The following PARD3B variants were observed in gnomAD, a reference collection of about 807,000 sequenced individuals.
The protein encoded by PARD3B is partitioning defective 3 homolog B.
PARD3B carries 103 observed loss-of-function variants against 130.2 expected under a neutral mutation model. That is an observed-to-expected ratio of 0.79 (90% confidence interval 0.67 to 0.93). PARD3B has a LOEUF of 0.93. Ranked by LOEUF, PARD3B falls within the 40% of genes least tolerant of loss-of-function variation. PARD3B has a pLI of 0.00. For missense variants in PARD3B, 1,609 were observed against 1,499.2 expected, an observed-to-expected ratio of 1.07 and a Z score of -1.21; for synonymous variants, 583 against 553.2, an observed-to-expected ratio of 1.05 and a Z score of -0.76.
At chr2:204,779,194 C>T (rs550842762) in intron 2 of PARD3B, among the ~76,000 whole-genome samples, 2 of 152,230 alleles carry the variant, frequency 1.3e-5, no homozygotes, top group East Asian at 3.9e-4. Context: ...TCCCCTGGAC[C>T]AGTCTTGCCC....
chr2:204,961,061 C>G (rs375184994), intron 2 of PARD3B, among the ~76,000 whole-genome samples: 79 of 152,022 alleles, frequency 5.2e-4, no homozygotes, highest in African/African-American at 1.9e-3. Context: ...GAACAAGGGG[C>G]GGGATCAGCA....
At chr2:204,926,377 A>G (rs764772959) in intron 2 of PARD3B, among the ~76,000 whole-genome samples, 3 of 152,158 alleles carry the variant, frequency 2.0e-5, no homozygotes, top group Non-Finnish European at 4.4e-5. Context: ...AATTCTCATT[A>G]TATTTTCAAG....
At chr2:204,748,863 C>CTA (rs1268105327) in intron 2 of PARD3B, among the ~76,000 whole-genome samples, 2 of 151,914 alleles carry the variant, frequency 1.3e-5, no homozygotes, top group Admixed American at 1.3e-4. Flanking sequence ...GTCTTTTTTC[C>CTA]TATATACCCA....
At position 205,568,534 on chromosome 2, in the gene PARD3B, T is replaced by C. The variant is rs923253560; in HGVS notation, c.3260+15131T>C. ...ACACTCCTGGGATTAGGAAAGCCTCTGGAAAAATTAAACTTGGTACTGAGT... is the reference window on the plus strand; with the variant it reads ...ACACTCCTGGGATTAGGAAAGCCTCCGGAAAAATTAAACTTGGTACTGAGT... On this transcript the variant is annotated intron_variant, in intron 22 of 22. Coordinates refer to ENST00000406610, the MANE Select transcript of PARD3B (RefSeq NM_001302769.2). The surrounding 1 kb of genome is among the most constrained non-coding windows in gnomAD (Gnocchi z 5.3). 1.3e-5 allele frequency among the ~76,000 whole-genome samples: 2 copies of C among 152,198 alleles called. No individual in the cohort carries two copies. Among genetic ancestry groups the C allele is most frequent in the Non-Finnish European group, 1.5e-5 (1 of 68,034 alleles).
chr2:205,427,488 A>G (rs1280452426), intron 19 of PARD3B, among the ~76,000 whole-genome samples: 1 of 152,238 alleles, frequency 6.6e-6, no homozygotes, highest in African/African-American at 2.4e-5. Flanking sequence ...CTTTGCTAAT[A>G]TGGAATGTTC....
Position 205,134,359 on chromosome 2 carries a change from CA to C in PARD3B, c.1434+8637del, listed in dbSNP as rs56722764. ...ACAACATGGTGAAACCCCATCTCTACAAAAAAAAAAAAAAATTAGCCAGGCA... is the reference window on the plus strand; with the variant it reads ...ACAACATGGTGAAACCCCATCTCTACAAAAAAAAAAAAAATTAGCCAGGCA... On this transcript the variant is annotated intron_variant, in intron 10 of 22. Transcript: ENST00000406610. 3.7e-3 allele frequency among the ~76,000 whole-genome samples: 502 copies of C among 137,084 alleles called. 2 individuals are homozygous for C. Among genetic ancestry groups the C allele is most frequent in the East Asian group, 0.027 (128 of 4,690 alleles). The allele number at this position is 137,084 out of a possible 152,430, so 89.9% of individuals were successfully genotyped here.
intron 15 of PARD3B, among the ~76,000 whole-genome samples, chr2:205,238,849 A>AAAAAATAT (rs1273582854): frequency 1.7e-4 from 13 of 76,904 alleles, no homozygotes; most frequent in South Asian, 5.1e-4. Flanking sequence ...AAAAAAAAAA[A>AAAAAATAT]ATATATATAT....
intron 2 of PARD3B, among the ~76,000 whole-genome samples, chr2:204,929,419 G>A (rs888125547): frequency 4.6e-5 from 7 of 152,064 alleles, no homozygotes; most frequent in East Asian, 3.9e-4. Flanking sequence ...TTTATAAAAC[G>A]TCTTAACATT....
intron 1 of PARD3B, among the ~76,000 whole-genome samples, chr2:204,590,947 T>C (rs950995033): frequency 1.3e-4 from 20 of 152,318 alleles, no homozygotes; most frequent in African/African-American, 4.8e-4. Flanking sequence ...TGAGACTTTT[T>C]CTGTATTGTA....
intron 3 of PARD3B, among the ~76,000 whole-genome samples, chr2:204,971,698 A>C (rs772960895): frequency 3.9e-5 from 6 of 152,080 alleles, no homozygotes; most frequent in Non-Finnish European, 7.3e-5. Flanking sequence ...GGGTGTCATC[A>C]ATCAGTCATA....
At chr2:205,462,367 T>C (rs1388764694) in intron 20 of PARD3B, among the ~76,000 whole-genome samples, 1 of 152,238 alleles carries the variant, frequency 6.6e-6, no homozygotes, top group Non-Finnish European at 1.5e-5. Flanking sequence ...TTTCTGTTTC[T>C]AATTACAGTC....
chr2:205,489,662 TG>T (rs1559141651), intron 20 of PARD3B, among the ~76,000 whole-genome samples: 1 of 151,792 alleles, frequency 6.6e-6, no homozygotes, highest in Non-Finnish European at 1.5e-5. Flanking sequence ...TTATGACTGA[TG>T]GCAAAACTGA....
intron 1 of PARD3B, among the ~76,000 whole-genome samples, chr2:204,574,344 T>G (rs1375095268): frequency 2.0e-5 from 3 of 152,242 alleles, no homozygotes; most frequent in Admixed American, 2.0e-4. Context: ...TCATACTTTA[T>G]TCATAATAAA....
chr2:204,834,942 C>G (rs1161282233), intron 2 of PARD3B, among the ~76,000 whole-genome samples: 3 of 152,196 alleles, frequency 2.0e-5, no homozygotes, highest in African/African-American at 7.2e-5. Context: ...AGGTTTAGAG[C>G]TAGAACACCT....
intron 18 of PARD3B, among the ~76,000 whole-genome samples, chr2:205,316,324 G>T (rs1301372833): frequency 2.0e-5 from 3 of 151,824 alleles, no homozygotes; most frequent in Non-Finnish European, 4.4e-5. Flanking sequence ...AGAGAAAATG[G>T]GCCAAAATCA....
rs115898698 is a variant in PARD3B at position 205,258,628 on chromosome 2, C to T, written c.2185+12806C>T. ...AGTTCCAAAAGCAGTGTGTGGCACA[C>T]GGCAGGCATCCTTTACGTAGTACTT... On this transcript the variant is annotated intron_variant, in intron 16 of 22. Coordinates refer to ENST00000406610, the MANE Select transcript of PARD3B (RefSeq NM_001302769.2). The surrounding 1 kb of genome is among the most constrained non-coding windows in gnomAD (Gnocchi z 4.9). Among the ~76,000 whole-genome samples, 1,041 of 152,288 alleles carry T rather than the reference C, an allele frequency of 6.8e-3. 11 individuals carry two copies. The highest frequency in any genetic ancestry group is 0.024 in the African/African-American group (978 of 41,560).
At chr2:205,208,453 C>T (rs1349936967) in intron 15 of PARD3B, among the ~76,000 whole-genome samples, 248 of 144,796 alleles carry the variant, frequency 1.7e-3, no homozygotes, top group Non-Finnish European at 2.2e-3. Context: ...ATGACATGAT[C>T]GTATATCTAG....
At chr2:204,950,621 G>C (rs1390669824) in intron 2 of PARD3B, among the ~76,000 whole-genome samples, 1 of 152,068 alleles carries the variant, frequency 6.6e-6, no homozygotes, top group African/African-American at 2.4e-5. Context: ...ATGTTATCCT[G>C]GAAATCAATG....
chr2:205,241,581 T>A lies in PARD3B; in HGVS notation c.2141-4197T>A, dbSNP rs565070641. On this transcript the variant is annotated intron_variant, in intron 15 of 22. Transcript: ENST00000406610. The surrounding 1 kb of genome is among the most constrained non-coding windows in gnomAD (Gnocchi z 4.2). ...GAAATAACCTTTAAATACAAATACTTTTTTAAAAAAGAAAGAAGAAAGAAA... is the reference window on the plus strand; with the variant it reads ...GAAATAACCTTTAAATACAAATACTATTTTAAAAAAGAAAGAAGAAAGAAA... Among the ~76,000 whole-genome samples, 1 of 152,192 alleles carries A rather than the reference T, an allele frequency of 6.6e-6. No individual in the cohort carries two copies. The highest frequency in any genetic ancestry group is 1.5e-5 in the Non-Finnish European group (1 of 67,962).
Sources: gnomAD v4.1 joint callset for allele counts (sites outside exome capture counted in the v4.1 genomes callset) on GRCh38, gnomAD v4.1.1 for gene constraint, Gnocchi (gnomAD v3.1) non-coding constraint, MANE v1.5 for transcripts, NCBI Gene and HGNC (gene_info 2026-07-23, HGNC 2026-07-21) for gene names.